KIRREL3: variants seen among roughly 807,000 people sequenced by gnomAD.
KIRREL3 encodes kin of IRRE-like protein 3.
KIRREL3 carries 36 observed loss-of-function variants against 89.7 expected under a neutral mutation model. The observed-to-expected ratio is 0.40, with a 90% CI of 0.31 to 0.53. The LOEUF is 0.53. KIRREL3 is among the 20% of genes least tolerant of loss of function. The pLI, the probability that KIRREL3 is intolerant of heterozygous loss-of-function variation, is 0.49. For synonymous variants in KIRREL3, 445 were observed against 441.4 expected (o/e 1.01, Z -0.10); for missense variants, 864 against 1,056.6 (o/e 0.82, Z 2.53).
At position 126,652,149 on chromosome 11, in the gene KIRREL3, T is replaced by G. The variant is rs576692561; in HGVS notation, c.56-89237A>C. Reference sequence around the variant, plus strand: ...ATTCCTTTAAAAAAACCCAAGGTTCTGGAGGTCACTGGCAGGCTGGAATTT... The same window carrying G: ...ATTCCTTTAAAAAAACCCAAGGTTCGGGAGGTCACTGGCAGGCTGGAATTT... On this transcript the variant is annotated intron_variant, in intron 1 of 16. Transcript: ENST00000525144. The surrounding 1 kb of genome is among the most constrained non-coding windows in gnomAD (Gnocchi z 4.9). Among the ~76,000 whole-genome samples, 61 of 152,280 alleles carry G rather than the reference T, an allele frequency of 4.0e-4. No homozygotes were observed. The highest frequency in any genetic ancestry group is 1.4e-3 in the African/African-American group (60 of 41,558).
chr11:126,972,110 A>G (rs1949438516), intron 1 of KIRREL3, among the ~76,000 whole-genome samples: 2 of 151,098 alleles, frequency 1.3e-5, no homozygotes, highest in Admixed American at 1.3e-4. Flanking sequence ...AAAATATCAC[A>G]GGGTAAAATG....
chr11:126,656,417 G>A lies in KIRREL3; in HGVS notation c.56-93505C>T, dbSNP rs935395860. Among the ~76,000 whole-genome samples, 1 of 152,112 alleles carries A rather than the reference G, an allele frequency of 6.6e-6. No individual in the cohort carries two copies. The highest frequency in any genetic ancestry group is 1.5e-5 in the Non-Finnish European group (1 of 68,026). Reference sequence around the variant, plus strand: ...AAGAAAATAGAATAATATTATTATTGGAGTCTCTGGAAAACCTAGGTTTCC... The same window carrying A: ...AAGAAAATAGAATAATATTATTATTAGAGTCTCTGGAAAACCTAGGTTTCC... On this transcript the variant is annotated intron_variant, in intron 1 of 16. Transcript: ENST00000525144. This position sits in a 1 kb window ranked among gnomAD's most constrained non-coding sequence, Gnocchi z 4.0.
At chr11:126,770,051 C>A (rs983064262) in intron 1 of KIRREL3, among the ~76,000 whole-genome samples, 5 of 152,116 alleles carry the variant, frequency 3.3e-5, no homozygotes, top group Non-Finnish European at 5.9e-5. Context: ...GTGTGTGAAG[C>A]CTCTTTTCTC....
intron 1 of KIRREL3, among the ~76,000 whole-genome samples, chr11:126,774,935 T>A (rs1026609448): frequency 1.3e-5 from 2 of 152,162 alleles, no homozygotes; most frequent in African/African-American, 4.8e-5. Context: ...GGACATTGCC[T>A]ATAAGCTGCT....
At chr11:126,864,355 C>G (rs1471760078) in intron 1 of KIRREL3, among the ~76,000 whole-genome samples, 1 of 152,152 alleles carries the variant, frequency 6.6e-6, no homozygotes, top group Non-Finnish European at 1.5e-5. Context: ...CATCTCCGCT[C>G]CTTTTTCCTC....
chr11:126,822,553 T>G (rs564895447), intron 1 of KIRREL3, among the ~76,000 whole-genome samples: 1 of 152,316 alleles, frequency 6.6e-6, no homozygotes, highest in African/African-American at 2.4e-5. Context: ...AGTATTGAGG[T>G]TTTCCTTTCA....
chr11:126,431,318 C>T lies in KIRREL3; in HGVS notation c.1696+101G>A. On this transcript the variant is annotated intron_variant, in intron 14 of 16. Transcript: ENST00000525144. This position sits in a 1 kb window ranked among gnomAD's most constrained non-coding sequence, Gnocchi z 7.1. ...CCAGGAGCTCACAGCACTGTTAGGACCCCTGTTCATTGCACTCCTGCTTAC... is the reference window on the plus strand; with the variant it reads ...CCAGGAGCTCACAGCACTGTTAGGATCCCTGTTCATTGCACTCCTGCTTAC... 1.9e-6 allele frequency: 3 copies of T among 1,557,124 alleles called. No homozygotes were observed. In the South Asian group the frequency reaches 3.5e-5, roughly 18 times the overall value.
chr11:126,741,238 TCC>T (rs1948972571), intron 1 of KIRREL3, among the ~76,000 whole-genome samples: 2 of 152,192 alleles, frequency 1.3e-5, no homozygotes, highest in Non-Finnish European at 2.9e-5. Context: ...CAAGTTTTAA[TCC>T]AGATGCCCAT....
chr11:126,864,811 C>G (rs1944865668), intron 1 of KIRREL3, among the ~76,000 whole-genome samples: 1 of 152,140 alleles, frequency 6.6e-6, no homozygotes, highest in African/African-American at 2.4e-5. Context: ...GGATTCAAAT[C>G]CAGGCCACAA....
rs1199592086 is a variant in KIRREL3, at chr11:126,843,592, G to A, written c.55+156863C>T. Reference sequence around the variant, plus strand: ...ACGGCTAGTGAGTGGGACCGTCAGAGGTGTTTGAACCAGAGCAACTCCATC... The same window carrying A: ...ACGGCTAGTGAGTGGGACCGTCAGAAGTGTTTGAACCAGAGCAACTCCATC... On this transcript the variant is annotated intron_variant, in intron 1 of 16. Transcript: ENST00000525144. This position sits in a 1 kb window ranked among gnomAD's most constrained non-coding sequence, Gnocchi z 4.6. Among the ~76,000 whole-genome samples the A allele has an allele frequency of 6.6e-6, 1 of 152,128 alleles. No homozygotes were observed. The highest frequency in any genetic ancestry group is 2.4e-5 in the African/African-American group (1 of 41,418).
At chr11:126,957,205 C>T (rs993203753) in intron 1 of KIRREL3, among the ~76,000 whole-genome samples, 4 of 152,198 alleles carry the variant, frequency 2.6e-5, no homozygotes, top group Admixed American at 2.0e-4. Flanking sequence ...GGCTCAAATG[C>T]TCATCTTTCT....
chr11:126,984,130 A>T (rs903067211), intron 1 of KIRREL3, among the ~76,000 whole-genome samples: 1 of 152,224 alleles, frequency 6.6e-6, no homozygotes, highest in East Asian at 1.9e-4. Context: ...GACCTTGGGC[A>T]GCAGCTCAGC....
At position 126,622,896 on chromosome 11, in the gene KIRREL3, T is replaced by C. The variant is rs1418232715; in HGVS notation, c.56-59984A>G. On this transcript the variant is annotated intron_variant, in intron 1 of 16. Coordinates refer to ENST00000525144, the MANE Select transcript of KIRREL3 (RefSeq NM_032531.4). This position sits in a 1 kb window ranked among gnomAD's most constrained non-coding sequence, Gnocchi z 5.2. ...TCTTTTCATCCTTATGAAAAGCAGA[T>C]ACTATCATTAGCTACATTTCATAAT... Among the ~76,000 whole-genome samples the C allele has an allele frequency of 6.6e-6, 1 of 152,216 alleles. No homozygotes were observed. The highest frequency in any genetic ancestry group is 2.4e-5 in the African/African-American group (1 of 41,446).
intron 1 of KIRREL3, among the ~76,000 whole-genome samples, chr11:126,961,925 G>A (rs184420548): frequency 6.6e-6 from 1 of 152,314 alleles, no homozygotes; most frequent in Admixed American, 6.5e-5. Flanking sequence ...GAACAATGAA[G>A]GCTGAAGGAC....
Position 126,515,480 on chromosome 11 carries a change from A to G in KIRREL3, c.433+5835T>C, listed in dbSNP as rs961657310. ...AAAGATGCCTAAGGAAGTGAAAAGG[A>G]CCACAGGGGGACAGTCAGGCCATGT... On this transcript the variant is annotated intron_variant, in intron 4 of 16. Coordinates refer to ENST00000525144, the MANE Select transcript of KIRREL3 (RefSeq NM_032531.4). This position sits in a 1 kb window ranked among gnomAD's most constrained non-coding sequence, Gnocchi z 4.2. Among the ~76,000 whole-genome samples the G allele has an allele frequency of 6.6e-6, 1 of 152,108 alleles. No individual in the cohort carries two copies. Among genetic ancestry groups the G allele is most frequent in the Non-Finnish European group, 1.5e-5 (1 of 68,026 alleles).
rs1946243121 is a variant in KIRREL3 at position 126,677,397 on chromosome 11, C to T, written c.56-114485G>A. ...ACGTTCCCATCTGATAACCGAATCTCCATTCTGGAGAAAGGATGTTGGCAT... is the reference window on the plus strand; with the variant it reads ...ACGTTCCCATCTGATAACCGAATCTTCATTCTGGAGAAAGGATGTTGGCAT... On this transcript the variant is annotated intron_variant, in intron 1 of 16. Transcript: ENST00000525144. This position sits in a 1 kb window ranked among gnomAD's most constrained non-coding sequence, Gnocchi z 5.1. 6.6e-6 allele frequency among the ~76,000 whole-genome samples: 1 copy of T among 152,196 alleles called. No individual in the cohort carries two copies. Among genetic ancestry groups the T allele is most frequent in the Non-Finnish European group, 1.5e-5 (1 of 68,034 alleles).
At chr11:126,517,591 C>G (rs1046786250) in intron 4 of KIRREL3, among the ~76,000 whole-genome samples, 2 of 152,342 alleles carry the variant, frequency 1.3e-5, no homozygotes, top group Admixed American at 1.3e-4. Context: ...GAGGTCCTAT[C>G]TCCCAGCCTC....
rs1005493369 is a variant in KIRREL3 at position 126,498,366 on chromosome 11, T to C, written c.433+22949A>G. Among the ~76,000 whole-genome samples, 4 of 152,192 alleles carry C rather than the reference T, an allele frequency of 2.6e-5. No individual in the cohort carries two copies. The highest frequency in any genetic ancestry group is 9.6e-5 in the African/African-American group (4 of 41,454). ...TAACATTCCTCAGTAAACAGCAGCC[T>C]CTCTTTAATAAGCCAGGCTCTTCCC... On this transcript the variant is annotated intron_variant, in intron 4 of 16. Coordinates refer to ENST00000525144, the MANE Select transcript of KIRREL3 (RefSeq NM_032531.4). The surrounding 1 kb of genome is among the most constrained non-coding windows in gnomAD (Gnocchi z 4.3).
intron 4 of KIRREL3, among the ~76,000 whole-genome samples, chr11:126,493,303 C>T (rs1312657927): frequency 2.6e-5 from 4 of 152,042 alleles, no homozygotes; most frequent in Non-Finnish European, 5.9e-5. Context: ...GGGTGGATCA[C>T]GAGGCCAGGA....
Sources: allele counts gnomAD v4.1 joint callset (sites outside exome capture counted in the v4.1 genomes callset), GRCh38; gene constraint gnomAD v4.1.1; non-coding constraint Gnocchi (gnomAD v3.1); transcripts MANE v1.5; gene names NCBI Gene and HGNC (gene_info 2026-07-23, HGNC 2026-07-21).